CNTN5: variants seen among roughly 807,000 people sequenced by gnomAD.
CNTN5 encodes contactin 5.
A neutral mutation model predicts 129.1 loss-of-function variants in CNTN5; 77 were observed. The ratio of observed to expected loss-of-function variants is 0.60; its 90% CI spans 0.50 to 0.72. CNTN5 has a LOEUF of 0.72. Among genes scored for constraint, CNTN5 ranks in the 30% least tolerant of loss-of-function variants. The pLI is 0.00. For synonymous variants in CNTN5, 509 were observed against 465.6 expected, an observed-to-expected ratio of 1.09 and a Z score of -1.20; for missense variants, 1,478 against 1,328.8, an observed-to-expected ratio of 1.11 and a Z score of -1.75.
At chr11:99,269,147 C>T (rs1863050169) in intron 1 of CNTN5, among the ~76,000 whole-genome samples, 2 of 151,866 alleles carry the variant, frequency 1.3e-5, no homozygotes, top group South Asian at 4.2e-4. Flanking sequence ...TGTGGTAGAG[C>T]TGCCTGGTGC....
chr11:100,248,163 C>T (rs1169769431), intron 16 of CNTN5, among the ~76,000 whole-genome samples: 1 of 152,264 alleles, frequency 6.6e-6, no homozygotes, highest in Non-Finnish European at 1.5e-5. Context: ...TCAAAATTCT[C>T]ACTTTAATTT....
At chr11:100,196,664 A>T (rs1948646168) in intron 15 of CNTN5, among the ~76,000 whole-genome samples, 1 of 152,002 alleles carries the variant, frequency 6.6e-6, no homozygotes, top group African/African-American at 2.4e-5. Context: ...AAATGCTTCT[A>T]CTATTTATGT....
intron 1 of CNTN5, among the ~76,000 whole-genome samples, chr11:99,040,300 C>A (rs1344048458): frequency 6.6e-6 from 1 of 151,906 alleles, no homozygotes; most frequent in Non-Finnish European, 1.5e-5. Context: ...AGACAAATAC[C>A]ATGAAAACTC....
chr11:99,709,813 A>G (rs1954898623), intron 3 of CNTN5, among the ~76,000 whole-genome samples: 1 of 151,854 alleles, frequency 6.6e-6, no homozygotes, highest in Non-Finnish European at 1.5e-5. Context: ...AATTCAAGCC[A>G]TTGAGGGTTT....
chr11:99,259,630 A>C (rs1255247313), intron 1 of CNTN5, among the ~76,000 whole-genome samples: 1 of 151,748 alleles, frequency 6.6e-6, no homozygotes, highest in Non-Finnish European at 1.5e-5. Flanking sequence ...TTCTGAGGAC[A>C]AGAACTGTTG....
At chr11:99,342,770 A>G (rs113558999) in intron 2 of CNTN5, among the ~76,000 whole-genome samples, 542 of 151,942 alleles carry the variant, frequency 3.6e-3, no homozygotes, top group Non-Finnish European at 5.4e-3. Context: ...GATGGATATT[A>G]GTGCCCAAAT....
At chr11:99,270,386 T>A (rs910170464) in intron 1 of CNTN5, among the ~76,000 whole-genome samples, 1 of 151,876 alleles carries the variant, frequency 6.6e-6, no homozygotes, top group African/African-American at 2.4e-5. Flanking sequence ...TTCTAAAAAT[T>A]CATGAATAAT....
intron 3 of CNTN5, among the ~76,000 whole-genome samples, chr11:99,801,147 G>C (rs1218991): frequency 1.3e-5 from 2 of 151,884 alleles, no homozygotes; most frequent in African/African-American, 2.4e-5. Flanking sequence ...ATTCCCTTAG[G>C]GCTTGCTCGT....
At chr11:100,285,359 C>A (rs1015233952) in intron 18 of CNTN5, among the ~76,000 whole-genome samples, 1 of 152,156 alleles carries the variant, frequency 6.6e-6, no homozygotes, top group Non-Finnish European at 1.5e-5. Context: ...AGCCAGCGTT[C>A]CATCATGCCC....
At chr11:100,227,781 G>T (rs1251207484) in intron 16 of CNTN5, among the ~76,000 whole-genome samples, 1 of 152,150 alleles carries the variant, frequency 6.6e-6, no homozygotes, top group East Asian at 1.9e-4. Context: ...AATAGAGAAA[G>T]CATGACTAAA....
chr11:99,183,996 T>C (rs1405005047), intron 1 of CNTN5, among the ~76,000 whole-genome samples: 2 of 152,116 alleles, frequency 1.3e-5, no homozygotes, highest in Non-Finnish European at 2.9e-5. Context: ...ACTTATCTGA[T>C]ATTTCTTGAA....
chr11:99,494,180 G>A (rs771397856), intron 2 of CNTN5, among the ~76,000 whole-genome samples: 16 of 152,162 alleles, frequency 1.1e-4, no homozygotes, highest in Middle Eastern at 3.4e-3. Context: ...CGTAGTAATC[G>A]ACCAAATTTA....
In CNTN5 at chr11:100,255,950, C is replaced by A. The variant is rs1391961639; in HGVS notation, c.2164+32C>A. The A allele has an allele frequency of 3.1e-6, 5 of 1,599,832 alleles. No homozygotes were observed. In the African/African-American group the frequency reaches 4.0e-5, roughly 13 times the overall value. ...GGCACTAAAGCAACATCAGATATAA[C>A]CAGAGTGGCCTTCTATCTCATAAGC... On this transcript the variant is annotated intron_variant, in intron 17 of 24. Coordinates refer to ENST00000524871, the MANE Select transcript of CNTN5 (RefSeq NM_014361.4).
chr11:99,354,490 A>G (rs1443083245), intron 2 of CNTN5, among the ~76,000 whole-genome samples: 2 of 152,200 alleles, frequency 1.3e-5, no homozygotes, highest in Non-Finnish European at 2.9e-5. Context: ...TTTATGAAAG[A>G]CAACACTAGT....
At chr11:99,915,302 A>C (rs890632499) in intron 6 of CNTN5, among the ~76,000 whole-genome samples, 9 of 152,150 alleles carry the variant, frequency 5.9e-5, no homozygotes, top group African/African-American at 2.2e-4. Context: ...TTTAAATTAC[A>C]CATCATTCCC....
At chr11:100,164,236 TAACAGGAGAATA>T (rs1219283804) in intron 13 of CNTN5, among the ~76,000 whole-genome samples, 1 of 151,844 alleles carries the variant, frequency 6.6e-6, no homozygotes. Context: ...CTACTTCTGA[TAACAGGAGAATA>T]AATAGAAGGA....
At chr11:100,116,042 C>T (rs1017819547) in intron 13 of CNTN5, among the ~76,000 whole-genome samples, 4 of 151,992 alleles carry the variant, frequency 2.6e-5, no homozygotes, top group African/African-American at 9.7e-5. Flanking sequence ...CCACCTCTTC[C>T]TGCCTTTCCA....
intron 3 of CNTN5, among the ~76,000 whole-genome samples, chr11:99,787,209 T>C (rs1300465093): frequency 1.3e-5 from 2 of 151,196 alleles, no homozygotes; most frequent in Non-Finnish European, 3.0e-5. Context: ...AGGGAAGAAA[T>C]ACAGAAGAAA....
intron 4 of CNTN5, among the ~76,000 whole-genome samples, chr11:99,829,782 A>G (rs995058538): frequency 6.6e-6 from 1 of 152,190 alleles, no homozygotes; most frequent in Non-Finnish European, 1.5e-5. Flanking sequence ...AAAATTGACC[A>G]AGGTTTAAAG....
Sources: allele counts gnomAD v4.1 joint callset (sites outside exome capture counted in the v4.1 genomes callset), GRCh38; gene constraint gnomAD v4.1.1; transcripts MANE v1.5; gene names NCBI Gene and HGNC (gene_info 2026-07-23, HGNC 2026-07-21).